Variants in PREX1 observed in about 807,000 individuals in gnomAD.
The protein encoded by PREX1 is phosphatidylinositol 3,4,5-trisphosphate-dependent Rac exchanger 1 protein.
Under a neutral mutation model 198.3 loss-of-function variants are expected in PREX1, and 41 were observed. That is an observed-to-expected ratio of 0.21 (90% CI 0.16 to 0.27). PREX1 has a LOEUF of 0.27. PREX1 is among the 10% of genes least tolerant of loss of function. The pLI, the probability that PREX1 is intolerant of heterozygous loss-of-function variation, is 1.00. For missense variants in PREX1, 1,620 were observed against 2,200.7 expected (o/e 0.74, Z 5.28); for synonymous variants, 843 against 887.2 (o/e 0.95, Z 0.89).
At chr20:48,806,802 C>A (rs1471225322) in intron 1 of PREX1, among the ~76,000 whole-genome samples, 1 of 152,158 alleles carries the variant, frequency 6.6e-6, no homozygotes, top group Admixed American at 6.5e-5. Context: ...TCAGGGATAC[C>A]AAGGTCAAGA....
intron 1 of PREX1, among the ~76,000 whole-genome samples, chr20:48,750,999 G>T (rs1007914211): frequency 2.6e-5 from 4 of 152,210 alleles, no homozygotes; most frequent in African/African-American, 9.7e-5. Flanking sequence ...GGGATAAAGT[G>T]AATGGAAGCT....
intron 2 of PREX1, among the ~76,000 whole-genome samples, chr20:48,747,045 A>G (rs1298147019): frequency 6.6e-6 from 1 of 150,864 alleles, no homozygotes; most frequent in African/African-American, 2.4e-5. Context: ...AGAGACCTTG[A>G]GCAAGTCCTT....
At chr20:48,678,671 T>C (rs2089726327) in intron 13 of PREX1, among the ~76,000 whole-genome samples, 3 of 152,216 alleles carry the variant, frequency 2.0e-5, no homozygotes, top group Non-Finnish European at 4.4e-5. Flanking sequence ...CAAGATCTGA[T>C]GGTTTCATAA....
At chr20:48,670,467 T>C (rs1939213253) in intron 14 of PREX1, among the ~76,000 whole-genome samples, 1 of 152,146 alleles carries the variant, frequency 6.6e-6, no homozygotes, top group Non-Finnish European at 1.5e-5. Flanking sequence ...CTCTGCTCTC[T>C]CCTGCTCAGC....
intron 3 of PREX1, among the ~76,000 whole-genome samples, chr20:48,738,331 C>T (rs903124058): frequency 7.2e-5 from 11 of 152,204 alleles, no homozygotes; most frequent in Non-Finnish European, 1.3e-4. Context: ...CCCTGAGCCC[C>T]CTTCTACGAC....
chr20:48,664,734 G>C (rs1383080560), intron 15 of PREX1, among the ~76,000 whole-genome samples: 1 of 151,936 alleles, frequency 6.6e-6, no homozygotes, highest in Non-Finnish European at 1.5e-5. Context: ...TCTAATCCCA[G>C]CTCCAGACGG....
chr20:48,884,461 G>A, the PREX1 span, among the ~76,000 whole-genome samples: 2 of 152,284 alleles, frequency 1.3e-5, no homozygotes, highest in African/African-American at 4.8e-5. Flanking sequence ...AAGTGGTCAC[G>A]TGAAAACAAT....
intron 1 of PREX1, among the ~76,000 whole-genome samples, chr20:48,748,792 G>C (rs1288354256): frequency 6.6e-6 from 1 of 152,214 alleles, no homozygotes; most frequent in Admixed American, 6.5e-5. Context: ...GGAGGCCGCA[G>C]GCCCAGGACC....
chr20:48,700,717 C>G (rs369015168), intron 7 of PREX1, 36 bp downstream of exon 7: 4 of 1,609,666 alleles, frequency 2.5e-6, no homozygotes, highest in Non-Finnish European at 3.4e-6. Context: ...GAGAAGGCAG[C>G]AGGCCAGACC....
intron 18 of PREX1, among the ~76,000 whole-genome samples, chr20:48,655,867 A>C (rs2089538898): frequency 6.6e-6 from 1 of 152,152 alleles, no homozygotes; most frequent in East Asian, 1.9e-4. Context: ...CCTGCCAGGG[A>C]GGGCAATGGG....
In PREX1 at chr20:48,644,488, G is replaced by T. The variant is rs1297701649; in HGVS notation, c.3522C>A (p.Asn1174Lys). The T allele has an allele frequency of 1.2e-6, 2 of 1,613,476 alleles. No homozygotes were observed. The highest frequency in any genetic ancestry group is 1.7e-6 in the Non-Finnish European group (2 of 1,179,632). ...MSYRDSYSECNSNRDSVLSYT... is the reference protein window; with the variant it reads ...MSYRDSYSECKSNRDSVLSYT... Reference sequence around the variant, plus strand: ...AGGACAGGACCGAGTCTCGATTGCTGTTACACTCGCTGCAAAGGGGCCCAG... The same window carrying T: ...AGGACAGGACCGAGTCTCGATTGCTTTTACACTCGCTGCAAAGGGGCCCAG... Residue 1174 changes from asparagine to lysine, a missense_variant, in exon 27 of 40, where the codon AAC (asparagine) becomes AAA (lysine). Transcript: ENST00000371941.
At chr20:48,655,040 T>A (rs908249669) in intron 19 of PREX1, among the ~76,000 whole-genome samples, 1 of 152,202 alleles carries the variant, frequency 6.6e-6, no homozygotes, top group East Asian at 1.9e-4. Context: ...AGAGTGAACA[T>A]GTATTTTTTC....
chr20:48,694,159 C>G (rs552629059), intron 7 of PREX1, among the ~76,000 whole-genome samples: 6 of 151,802 alleles, frequency 4.0e-5, no homozygotes, highest in Admixed American at 1.3e-4. Flanking sequence ...TTATCCACCC[C>G]CCTCGGCCTC....
the PREX1 span, among the ~76,000 whole-genome samples, chr20:48,874,610 CTCCCACCTGTAA>C: frequency 6.6e-6 from 1 of 152,126 alleles, no homozygotes; most frequent in Non-Finnish European, 1.5e-5. Context: ...GGCATGGTGG[CTCCCACCTGTAA>C]TCCCAGCACT....
intron 7 of PREX1, among the ~76,000 whole-genome samples, chr20:48,694,673 T>C (rs978348037): frequency 3.9e-5 from 6 of 152,188 alleles, no homozygotes; most frequent in Admixed American, 1.3e-4. Context: ...ACTTGGCTGA[T>C]GTGTACTTGT....
At chr20:48,642,589 A>ATCCCTTGTGGGTTTGGAGTT in intron 27 of PREX1, 100 bp from the exon 28 acceptor site, 1 of 1,063,322 alleles carries the variant, frequency 9.4e-7, no homozygotes, top group Non-Finnish European at 1.4e-6. Context: ...AGAACTCCAA[A>ATCCCTTGTGGGTTTGGAGTT]CCCACAAGGG....
At chr20:48,648,385 A>AG (rs2089466828) in intron 25 of PREX1, among the ~76,000 whole-genome samples, 1 of 152,202 alleles carries the variant, frequency 6.6e-6, no homozygotes, top group Non-Finnish European at 1.5e-5. Flanking sequence ...TTAACTGAAG[A>AG]GGGATTTTGC....
At chr20:48,808,832 C>A (rs1381417308) in intron 1 of PREX1, among the ~76,000 whole-genome samples, 9 of 152,228 alleles carry the variant, frequency 5.9e-5, no homozygotes, top group Non-Finnish European at 1.2e-4. Context: ...GGCCTTTGCA[C>A]TTGCTGTTTC....
At chr20:48,696,045 C>T (rs1045451098) in intron 7 of PREX1, among the ~76,000 whole-genome samples, 5 of 152,244 alleles carry the variant, frequency 3.3e-5, no homozygotes, top group African/African-American at 7.2e-5. Flanking sequence ...GACCTTTTCA[C>T]AGTCTGTGGC....
Sources: gnomAD v4.1 joint callset for allele counts (sites outside exome capture counted in the v4.1 genomes callset) on GRCh38, gnomAD v4.1.1 for gene constraint, MANE v1.5 for transcripts, NCBI Gene and HGNC (gene_info 2026-07-23, HGNC 2026-07-21) for gene names.